The following HECTD2 variants were observed in gnomAD, a reference collection of about 807,000 sequenced individuals.
The protein encoded by HECTD2 is HECT domain E3 ubiquitin protein ligase 2.
Under a neutral mutation model 103.2 loss-of-function variants are expected in HECTD2, and 35 were observed. The observed-to-expected ratio is 0.34, with a 90% CI of 0.26 to 0.45. The LOEUF (loss-of-function observed/expected upper bound fraction) is 0.45, where lower values mean the gene tolerates loss of function less well. Among genes scored for constraint, HECTD2 ranks in the 20% least tolerant of loss-of-function variants. The pLI, the probability that HECTD2 is intolerant of heterozygous loss-of-function variation, is 1.00. For synonymous variants in HECTD2, 281 were observed against 329.9 expected, an observed-to-expected ratio of 0.85 and a Z score of 1.61; for missense variants, 596 against 937.4, an observed-to-expected ratio of 0.64 and a Z score of 4.76.
intron 2 of HECTD2, among the ~76,000 whole-genome samples, chr10:91,458,653 A>G (rs1293070579): frequency 6.6e-6 from 1 of 151,998 alleles, no homozygotes; most frequent in East Asian, 1.9e-4. Context: ...TAACCTTTTC[A>G]ATAAATGGTG....
chr10:91,478,474 T>G (rs1845984999), intron 6 of HECTD2, among the ~76,000 whole-genome samples: 1 of 152,200 alleles, frequency 6.6e-6, no homozygotes, highest in African/African-American at 2.4e-5. Flanking sequence ...TAGATGGGCA[T>G]AAAAAGATCT....
chr10:91,432,020 AT>A (rs1481768203), intron 2 of HECTD2, among the ~76,000 whole-genome samples: 12 of 151,742 alleles, frequency 7.9e-5, no homozygotes, highest in African/African-American at 1.5e-4. Flanking sequence ...CTGGTACTGA[AT>A]TTTCCTAGCT....
chr10:91,410,354 C>CGCG lies in HECTD2; in HGVS notation c.-82_-80dup, dbSNP rs953269979. The CGCG allele has an allele frequency of 1.5e-5, 13 of 880,644 alleles. No homozygotes were observed. Among genetic ancestry groups the CGCG allele is most frequent in the Non-Finnish European group, 1.8e-5 (12 of 682,104 alleles). The allele number at this position is 880,644 out of a possible 1,614,324, so 54.6% of individuals were successfully genotyped here. ...TAGAAGCGGCAGCCCAGAGCCCTCTCGCGGCCGCGGCGGCAGCAGCAGCGC... is the reference window on the plus strand; with the variant it reads ...TAGAAGCGGCAGCCCAGAGCCCTCTCGCGGCGGCCGCGGCGGCAGCAGCAGCGC... On this transcript the variant is annotated 5_prime_UTR_variant, in exon 1 of 21. Transcript: ENST00000298068.
At chr10:91,425,672 T>C (rs1843530880) in intron 2 of HECTD2, among the ~76,000 whole-genome samples, 1 of 150,654 alleles carries the variant, frequency 6.6e-6, no homozygotes. Context: ...TATACATATA[T>C]ATTTTCTATA....
chr10:91,433,765 T>A (rs1843996923), intron 2 of HECTD2, among the ~76,000 whole-genome samples: 1 of 151,920 alleles, frequency 6.6e-6, no homozygotes. Flanking sequence ...TTTGAATCCA[T>A]CTGTTTGTTT....
chr10:91,508,569 A>G lies in HECTD2; in HGVS notation c.2211-3695A>G, dbSNP rs529498378. 1.5e-3 allele frequency among the ~76,000 whole-genome samples: 229 copies of G among 150,450 alleles called. 4 individuals carry two copies. Among genetic ancestry groups the G allele is most frequent in the Middle Eastern group, 6.8e-3 (2 of 294 alleles). On this transcript the variant is annotated intron_variant, in intron 20 of 20. Transcript: ENST00000298068. ...CAGAGAAATGCAAATCAAAACCACA[A>G]TGAGATACCATCTCACACCAGTTAG...
chr10:91,428,613 C>T (rs1843686961), intron 2 of HECTD2, among the ~76,000 whole-genome samples: 2 of 152,012 alleles, frequency 1.3e-5, no homozygotes, highest in African/African-American at 4.8e-5. Context: ...AGTTGGATTC[C>T]TAAGTATTTT....
intron 10 of HECTD2, chr10:91,486,846 T>C (rs1846284134): frequency 6.6e-6 from 1 of 152,136 alleles, no homozygotes; most frequent in Non-Finnish European, 1.5e-5. Flanking sequence ...TCACTTTCAG[T>C]TTACACTAAG....
chr10:91,418,288 T>C (rs1044894891), intron 1 of HECTD2, among the ~76,000 whole-genome samples: 6 of 152,264 alleles, frequency 3.9e-5, no homozygotes, highest in African/African-American at 1.4e-4. Flanking sequence ...TGTATTCATG[T>C]ATTTTTATCT....
At chr10:91,449,522 T>G (rs953803235) in intron 2 of HECTD2, among the ~76,000 whole-genome samples, 3 of 152,062 alleles carry the variant, frequency 2.0e-5, no homozygotes, top group Non-Finnish European at 2.9e-5. Context: ...CCTATAAACA[T>G]ATTATTGGAA....
At chr10:91,419,670 T>C (rs1462791152) in intron 1 of HECTD2, among the ~76,000 whole-genome samples, 1 of 152,214 alleles carries the variant, frequency 6.6e-6, no homozygotes, top group Admixed American at 6.5e-5. Flanking sequence ...TAAATACATA[T>C]CTATTATTTA....
At chr10:91,424,042 A>G (rs1407189090) in intron 1 of HECTD2, among the ~76,000 whole-genome samples, 5 of 152,166 alleles carry the variant, frequency 3.3e-5, no homozygotes, top group Non-Finnish European at 7.4e-5. Flanking sequence ...ATTATTGCTA[A>G]TGATATAGTC....
chr10:91,455,506 C>A (rs1233541625), intron 2 of HECTD2, among the ~76,000 whole-genome samples: 2 of 152,088 alleles, frequency 1.3e-5, no homozygotes, highest in East Asian at 1.9e-4. Flanking sequence ...CAAAAATGTT[C>A]TCCCATTCTG....
At chr10:91,469,306 A>C (rs1042784326) in intron 5 of HECTD2, among the ~76,000 whole-genome samples, 1 of 152,208 alleles carries the variant, frequency 6.6e-6, no homozygotes, top group African/African-American at 2.4e-5. Flanking sequence ...CAGTCCTCAG[A>C]TTCTCCAAAG....
intron 2 of HECTD2, among the ~76,000 whole-genome samples, chr10:91,428,502 C>T (rs1049865821): frequency 0.011 from 1,729 of 152,142 alleles, 39 homozygotes; most frequent in African/African-American, 0.039. Context: ...ATTCTTCCTA[C>T]CCATGAGCAT....
At chr10:91,449,198 C>T (rs1844672606) in intron 2 of HECTD2, among the ~76,000 whole-genome samples, 1 of 152,152 alleles carries the variant, frequency 6.6e-6, no homozygotes. Context: ...AACTTACCCA[C>T]CACGATCAAG....
Position 91,503,540 on chromosome 10 carries a change from A to G in HECTD2, c.2210+2206A>G, listed in dbSNP as rs559870412. ...CGGACAGCACCTGGAAAATCGGGTCACTCCCACCCGAATACTGCGCTTTTC... is the reference window on the plus strand; with the variant it reads ...CGGACAGCACCTGGAAAATCGGGTCGCTCCCACCCGAATACTGCGCTTTTC... On this transcript the variant is annotated intron_variant, in intron 20 of 20. Coordinates refer to ENST00000298068, the MANE Select transcript of HECTD2 (RefSeq NM_182765.6). Among the ~76,000 whole-genome samples, 3 of 152,150 alleles carry G rather than the reference A, an allele frequency of 2.0e-5. No individual in the cohort carries two copies. In the South Asian group the frequency reaches 6.2e-4, roughly 32 times the overall value.
rs751858400 is a variant in HECTD2 at position 91,478,207 on chromosome 10, G to C, written c.607G>C (p.Asp203His). ...TGTTTTCTTTTGCCTACAGCCTCAA[G>C]ACGTTCAGAAGACAGTATTAAAGGG... ...VYDTLLNTPQ[D>H]VQKTVLKGII... The change falls in exon 6 of 21, where the codon GAC becomes CAC. Residue 203 changes from aspartate (D) to histidine (H), a missense_variant. By Grantham distance (81) the Asp-to-His change is moderately conservative. This residue lies in a region of HECTD2 where 303 missense variants were observed against 522.5 expected (regional missense o/e 0.58). Transcript: ENST00000298068. 2.5e-6 allele frequency: 4 copies of C among 1,608,642 alleles called. No individual in the cohort carries two copies. The highest frequency in any genetic ancestry group is 3.4e-6 in the Non-Finnish European group (4 of 1,175,486).
chr10:91,416,528 A>G (rs1036587329), intron 1 of HECTD2, among the ~76,000 whole-genome samples: 4 of 152,232 alleles, frequency 2.6e-5, no homozygotes, highest in African/African-American at 4.8e-5. Context: ...AATAGGCTAT[A>G]TCATATAACC....
Sources: gnomAD v4.1 joint callset for allele counts (sites outside exome capture counted in the v4.1 genomes callset) on GRCh38, gnomAD v4.1.1 for gene constraint, gnomAD v4.1.1 regional missense constraint, MANE v1.5 for transcripts, NCBI Gene and HGNC (gene_info 2026-07-23, HGNC 2026-07-21) for gene names.